Variants in NCK2 observed in about 807,000 individuals in gnomAD.
NCK2 encodes cytoplasmic protein NCK2.
Under a neutral mutation model 33.9 loss-of-function variants are expected in NCK2, and 16 were observed. The ratio of observed to expected loss-of-function variants is 0.47; its 90% CI spans 0.32 to 0.72. NCK2 has a LOEUF of 0.72. Ranked by LOEUF, NCK2 falls within the 30% of genes least tolerant of loss-of-function variation. The pLI is 0.03. For missense variants in NCK2, 418 were observed against 537.3 expected, an observed-to-expected ratio of 0.78 and a Z score of 2.19; for synonymous variants, 273 against 239.9, an observed-to-expected ratio of 1.14 and a Z score of -1.27.
chr2:105,881,446 G>A lies in NCK2; in HGVS notation c.345G>A (p.Pro115=), dbSNP rs770165493. 56 of 1,613,490 alleles carry A rather than the reference G, an allele frequency of 3.5e-5. No individual in the cohort carries two copies. The highest frequency in any genetic ancestry group is 4.1e-5 in the Non-Finnish European group (48 of 1,179,980). The part of the protein sequence containing the change: ...GADRIYDLNI[P]AFVKFAYVAE... ...ACCGCATCTACGACCTCAACATCCC[G>A]GCCTTCGTCAAGTTCGCCTATGTGG... Residue 115 remains proline, a synonymous_variant, in exon 4 of 5, where the codon CCG becomes CCA. Transcript: ENST00000233154.
intron 1 of NCK2, among the ~76,000 whole-genome samples, chr2:105,798,229 C>A (rs1573605534): frequency 1.3e-5 from 2 of 152,110 alleles, no homozygotes; most frequent in South Asian, 4.1e-4. Flanking sequence ...GAAAGAGTAA[C>A]GTGTAGGTAA....
chr2:105,760,541 T>C (rs1253524862), intron 1 of NCK2, among the ~76,000 whole-genome samples: 4 of 152,206 alleles, frequency 2.6e-5, no homozygotes. Flanking sequence ...CACCTAGCTC[T>C]AAGGCTCCCC....
intron 1 of NCK2, among the ~76,000 whole-genome samples, chr2:105,756,920 G>A (rs1368143033): frequency 7.9e-5 from 12 of 152,122 alleles, no homozygotes; most frequent in South Asian, 6.2e-4. Flanking sequence ...ATTCTCCTGC[G>A]TCAGCCTCCC....
In NCK2 at chr2:105,881,335, C is replaced by T; in HGVS notation, c.234C>T (p.Gly78=). ...CTTGCTGTGTCTCCACAGGCCTCGG[C>T]AAGACGCGCAGGAAGACCAGCGCGC... The part of the protein sequence containing the change: ...VKNLKDTLGL[G]KTRRKTSARD... The change falls in exon 4 of 5, where the codon GGC becomes GGT. Residue 78 remains glycine, a synonymous_variant. Transcript: ENST00000233154. 1 of 1,592,464 alleles carries T rather than the reference C, an allele frequency of 6.3e-7. No homozygotes were observed. Among genetic ancestry groups the T allele is most frequent in the Non-Finnish European group, 8.5e-7 (1 of 1,172,646 alleles).
intron 1 of NCK2, among the ~76,000 whole-genome samples, chr2:105,809,808 G>A (rs868623920): frequency 3.9e-5 from 6 of 152,192 alleles, no homozygotes; most frequent in South Asian, 4.1e-4. Context: ...CCATCCAGGA[G>A]GTCTTCCTGG....
intron 1 of NCK2, among the ~76,000 whole-genome samples, chr2:105,755,319 T>A (rs774887451): frequency 6.6e-6 from 1 of 152,202 alleles, no homozygotes; most frequent in Non-Finnish European, 1.5e-5. Flanking sequence ...CTGTTGTGAT[T>A]TTCATTTTGA....
At chr2:105,846,649 G>A (rs1357745685) in intron 2 of NCK2, 2 of 152,176 alleles carry the variant, frequency 1.3e-5, no homozygotes, top group Non-Finnish European at 2.9e-5. Context: ...CCAATAGGAT[G>A]ACTGCTGTCA....
At chr2:105,848,050 C>T (rs546597547) in intron 2 of NCK2, among the ~76,000 whole-genome samples, 16 of 152,310 alleles carry the variant, frequency 1.1e-4, no homozygotes, top group East Asian at 3.9e-4. Flanking sequence ...ATTGCACATA[C>T]GTTTTTGAGT....
intron 1 of NCK2, among the ~76,000 whole-genome samples, chr2:105,783,823 A>G: frequency 6.6e-6 from 1 of 152,142 alleles, no homozygotes; most frequent in Non-Finnish European, 1.5e-5. Flanking sequence ...GCAGCTGGAA[A>G]CAAGGGCATT....
intron 2 of NCK2, among the ~76,000 whole-genome samples, chr2:105,842,720 C>T (rs1323672823): frequency 1.3e-5 from 2 of 152,302 alleles, no homozygotes; most frequent in South Asian, 2.1e-4. Flanking sequence ...GAAGTACTCA[C>T]AGCAAAGACT....
chr2:105,773,053 A>G (rs1325937050), intron 1 of NCK2, among the ~76,000 whole-genome samples: 2 of 151,354 alleles, frequency 1.3e-5, no homozygotes, highest in Non-Finnish European at 3.0e-5. Context: ...CACCCCACTC[A>G]GCAAATTTTT....
At chr2:105,772,651 G>C (rs958692962) in intron 1 of NCK2, among the ~76,000 whole-genome samples, 1 of 152,118 alleles carries the variant, frequency 6.6e-6, no homozygotes, top group South Asian at 2.1e-4. Context: ...ATAAGTCAAT[G>C]ACAAAAACAC....
intron 4 of NCK2, among the ~76,000 whole-genome samples, chr2:105,892,561 C>T (rs573599773): frequency 4.5e-5 from 6 of 134,674 alleles, no homozygotes; most frequent in Admixed American, 1.8e-4. Flanking sequence ...CCCGGCTGGG[C>T]GTGGTGGCTC....
chr2:105,843,406 A>C (rs1470014598), intron 2 of NCK2, among the ~76,000 whole-genome samples: 1 of 151,716 alleles, frequency 6.6e-6, no homozygotes, highest in African/African-American at 2.4e-5. Flanking sequence ...AAAAAAAAAA[A>C]AAAAACCTAG....
At chr2:105,773,043 C>T (rs1690186408) in intron 1 of NCK2, among the ~76,000 whole-genome samples, 1 of 151,762 alleles carries the variant, frequency 6.6e-6, no homozygotes. Flanking sequence ...AGGTGTGTAG[C>T]ACCCCACTCA....
chr2:105,880,576 G>A, intron 3 of NCK2, among the ~76,000 whole-genome samples: 1 of 152,202 alleles, frequency 6.6e-6, no homozygotes, highest in East Asian at 1.9e-4. Flanking sequence ...TACAGGCTGC[G>A]TTCCCTAAGA....
At position 105,893,289 on chromosome 2, in the gene NCK2, C is replaced by G; in HGVS notation, c.*113C>G. 1 of 1,068,244 alleles carries G rather than the reference C, an allele frequency of 9.4e-7. No individual in the cohort carries two copies. The highest frequency in any genetic ancestry group is 1.3e-6 in the Non-Finnish European group (1 of 759,672). 66.2% of individuals were successfully genotyped at this position (1,068,244 alleles called of 1,614,324 possible). A position where few individuals can be genotyped will look rare whatever the true frequency, so the allele number is the denominator to read the frequency against. On this transcript the variant is annotated 3_prime_UTR_variant, in exon 5 of 5. Transcript: ENST00000233154. ...GCCCCGACGGCTTCTCTGCGAGTCT[C>G]TCTTTATGTTCAGGTCGCTTGGTCG...
chr2:105,775,369 G>A (rs1212906435), intron 1 of NCK2, among the ~76,000 whole-genome samples: 1 of 152,066 alleles, frequency 6.6e-6, no homozygotes. Context: ...TGATCTCTGG[G>A]CTCCCTATTA....
intron 3 of NCK2, among the ~76,000 whole-genome samples, chr2:105,869,577 G>A (rs1039944158): frequency 1.3e-5 from 2 of 152,162 alleles, no homozygotes; most frequent in Admixed American, 1.3e-4. Flanking sequence ...GTGTTCCCCC[G>A]TGAATGTGCT....
Sources: gnomAD v4.1 joint callset for allele counts (sites outside exome capture counted in the v4.1 genomes callset) on GRCh38, gnomAD v4.1.1 for gene constraint, MANE v1.5 for transcripts, NCBI Gene and HGNC (gene_info 2026-07-23, HGNC 2026-07-21) for gene names.